CA4: variants seen among roughly 807,000 people sequenced by gnomAD.
CA4 encodes carbonic anhydrase 4.
A neutral mutation model predicts 34.5 loss-of-function variants in CA4; 24 were observed. The ratio of observed to expected loss-of-function variants is 0.70; its 90% confidence interval spans 0.50 to 0.98. CA4 has a LOEUF of 0.98. Ranked by LOEUF, CA4 falls within the 50% of genes least tolerant of loss-of-function variation. The pLI is 0.00. For synonymous variants in CA4, 178 were observed against 170.6 expected, an observed-to-expected ratio of 1.04 and a Z score of -0.34; for missense variants, 394 against 396.7, an observed-to-expected ratio of 0.99 and a Z score of 0.06.
chr17:60,152,274 C>T (rs559435960), intron 1 of CA4, among the ~76,000 whole-genome samples: 27 of 152,198 alleles, frequency 1.8e-4, no homozygotes, highest in African/African-American at 6.0e-4. Flanking sequence ...TCTCATTCAA[C>T]GAAGACAGGA....
chr17:60,172,076 G>A (rs2083915937), downstream of CA4, among the ~76,000 whole-genome samples: 1 of 152,158 alleles, frequency 6.6e-6, no homozygotes, highest in South Asian at 2.1e-4. Context: ...CCCTAATGTG[G>A]AAGTCCCCCT....
intron 2 of CA4, 62 bp from the exon 3 acceptor site, chr17:60,156,498 G>C: frequency 6.5e-7 from 1 of 1,547,834 alleles, no homozygotes; most frequent in Non-Finnish European, 8.9e-7. Context: ...TCAGTGGGGT[G>C]GTGGGGGCTA....
intron 5 of CA4, among the ~76,000 whole-genome samples, chr17:60,166,116 A>G (rs1453012050): frequency 3.9e-5 from 6 of 152,122 alleles, no homozygotes; most frequent in Non-Finnish European, 8.8e-5. Flanking sequence ...TAACAGACTG[A>G]TCAAGGGGTT....
intron 2 of CA4, among the ~76,000 whole-genome samples, 199 bp downstream of exon 2, chr17:60,155,566 AACAC>A (rs765575544): frequency 4.3e-5 from 6 of 139,514 alleles, no homozygotes; most frequent in African/African-American, 1.5e-4. Context: ...CAGATATACA[AACAC>A]ACACACTCAC....
Position 60,154,754 on chromosome 17 carries a change from G to C in CA4, c.59-560G>C, listed in dbSNP as rs554440719. ...GAGGGGCAGGGGAGGAAGCCTGGCT[G>C]CTTTCCTCCTAGCGGGAGCTGTGAG... On this transcript the variant is annotated intron_variant, in intron 1 of 7. Transcript: ENST00000300900. 7.9e-5 allele frequency among the ~76,000 whole-genome samples: 12 copies of C among 152,342 alleles called. No individual in the cohort carries two copies. In the East Asian group the frequency reaches 2.1e-3, roughly 27 times the overall value.
At chr17:60,175,378 G>A (rs2145321720), downstream of CA4, among the ~76,000 whole-genome samples, 1 of 151,556 alleles carries the variant, frequency 6.6e-6, no homozygotes, top group African/African-American at 2.4e-5. Context: ...AGACCAGCCT[G>A]GGCAACATGG....
rs903021689 is a variant in CA4 at position 60,150,055 on chromosome 17, C to G, written c.21C>G (p.Leu7=). 6.2e-7 allele frequency: 1 copy of G among 1,601,716 alleles called. No homozygotes were observed. Among genetic ancestry groups the G allele is most frequent in the African/African-American group, 1.3e-5 (1 of 74,960 alleles). ...GCAAGATGCGGATGCTGCTGGCGCT[C>G]CTGGCCCTCTCCGCGGCGCGGCCAT... MRMLLA[L]LALSAARPSA... Residue 7 remains leucine (L), a synonymous_variant, in exon 1 of 8, where the codon CTC becomes CTG. Coordinates refer to ENST00000300900, the MANE Select transcript of CA4 (RefSeq NM_000717.5).
chr17:60,167,091 C>T (rs1193652614), intron 5 of CA4, among the ~76,000 whole-genome samples: 3 of 152,204 alleles, frequency 2.0e-5, no homozygotes, highest in African/African-American at 7.2e-5. Flanking sequence ...GGTAAAGGAA[C>T]TTGTCCCTTG....
intron 3 of CA4, 89 bp from the exon 4 acceptor site, chr17:60,157,338 C>G: frequency 6.9e-7 from 1 of 1,439,082 alleles, no homozygotes; most frequent in South Asian, 1.2e-5. Context: ...AGGCAGGAGA[C>G]AATGTCCCAT....
rs2083749759 is a variant in CA4, at chr17:60,159,158, C to T, written c.745-72C>T. ...AGGGCTCCCAGGACAGGATGAGGTGCCTGCCTGAGGTCACACGGCAGGGAG... is the reference window on the plus strand; with the variant it reads ...AGGGCTCCCAGGACAGGATGAGGTGTCTGCCTGAGGTCACACGGCAGGGAG... On this transcript the variant is annotated intron_variant, in intron 7 of 7. Transcript: ENST00000300900. 2.9e-6 allele frequency: 4 copies of T among 1,370,874 alleles called. No homozygotes were observed. In the South Asian group the frequency reaches 3.8e-5, roughly 13 times the overall value. The allele number at this position is 1,370,874 out of a possible 1,614,324, so 84.9% of individuals were successfully genotyped here.
At chr17:60,167,914 C>T (rs2083871196) in intron 5 of CA4, among the ~76,000 whole-genome samples, 1 of 152,108 alleles carries the variant, frequency 6.6e-6, no homozygotes, top group Non-Finnish European at 1.5e-5. Context: ...CTCGTTTAGC[C>T]CCTGAGGTCA....
rs2083729034 is a variant in CA4 at position 60,158,212 on chromosome 17, C to A, written c.581-71C>A. ...AGGGGTGGGTGTGCGGGGAGCTGGG[C>A]TCTCAGAGTGCAGGGGAAGAGGGGC... On this transcript the variant is annotated intron_variant, in intron 6 of 7. Coordinates refer to ENST00000300900, the MANE Select transcript of CA4 (RefSeq NM_000717.5). 3 of 1,604,498 alleles carry A rather than the reference C, an allele frequency of 1.9e-6. No homozygotes were observed. The African/African-American group carries it at 4.0e-5, about 21-fold the overall frequency.
chr17:60,164,831 C>T (rs1032463333), intron 5 of CA4, among the ~76,000 whole-genome samples: 9 of 151,990 alleles, frequency 5.9e-5, no homozygotes, highest in East Asian at 1.9e-4. Context: ...ACCAGGTTTA[C>T]GACACAGAAG....
At chr17:60,167,473 A>G (rs1329652700) in intron 5 of CA4, among the ~76,000 whole-genome samples, 1 of 152,256 alleles carries the variant, frequency 6.6e-6, no homozygotes, top group East Asian at 1.9e-4. Flanking sequence ...AGAGCATCGA[A>G]GTGCCCAGGC....
chr17:60,164,379 T>G (rs2083833756), downstream of CA4, among the ~76,000 whole-genome samples: 1 of 151,068 alleles, frequency 6.6e-6, no homozygotes, highest in African/African-American at 2.4e-5. Context: ...TGTCTTTCTT[T>G]CTTTCTTTCT....
chr17:60,158,729 A>G (rs1034199858), intron 7 of CA4: 2 of 519,226 alleles, frequency 3.9e-6, no homozygotes, highest in Admixed American at 3.2e-5. Flanking sequence ...AGTGAGCCCA[A>G]AGGACCCAAA....
rs576701016 is a variant in CA4 at position 60,155,330 on chromosome 17, C to T, written c.75C>T (p.Tyr25=). Residue 25 remains tyrosine (Y), a synonymous_variant, in exon 2 of 8, where the codon TAC becomes TAT. Coordinates refer to ENST00000300900, the MANE Select transcript of CA4 (RefSeq NM_000717.5). The part of the protein sequence containing the change: ...PSASAESHWC[Y]EVQAESSNYP... The stretch of plus-strand genomic sequence containing the variant: ...CTGCTCCAGAGTCACACTGGTGCTA[C>T]GAGGTTCAAGCCGAGTCCTCCAACT... The T allele has an allele frequency of 8.1e-6, 13 of 1,611,460 alleles. No individual in the cohort carries two copies. The highest frequency in any genetic ancestry group is 1.6e-4 in the Middle Eastern group (1 of 6,062).
chr17:60,159,709 C>A (rs2083763906), downstream of CA4, among the ~76,000 whole-genome samples: 1 of 152,290 alleles, frequency 6.6e-6, no homozygotes, highest in Non-Finnish European at 1.5e-5. Flanking sequence ...AATTCCGTGT[C>A]TATACCCCAC....
intron 7 of CA4, 40 bp from the exon 8 acceptor site, chr17:60,159,190 T>A: frequency 6.5e-7 from 1 of 1,541,946 alleles, no homozygotes. Context: ...GGAGTGCAGC[T>A]CCCCCTGCCC....
Sources: gnomAD v4.1 joint callset for allele counts (sites outside exome capture counted in the v4.1 genomes callset) on GRCh38, gnomAD v4.1.1 for gene constraint, MANE v1.5 for transcripts, NCBI Gene and HGNC (gene_info 2026-07-23, HGNC 2026-07-21) for gene names.